Variants in DLC1 observed in about 807,000 individuals in gnomAD.
The protein encoded by DLC1 is DLC1 Rho GTPase activating protein, also known as rho GTPase-activating protein 7.
A neutral mutation model predicts 140.3 loss-of-function variants in DLC1; 54 were observed. The observed-to-expected ratio is 0.38, with a 90% CI of 0.31 to 0.48. The LOEUF (loss-of-function observed/expected upper bound fraction) is 0.48. Ranked by LOEUF, DLC1 falls within the 20% of genes least tolerant of loss-of-function variation. The probability of loss-of-function intolerance (pLI) is 0.96; values close to 1 mark genes in which losing one functional copy is unlikely to be tolerated. For synonymous variants in DLC1, 986 were observed against 728.1 expected (o/e 1.35, Z -5.70); for missense variants, 2,536 against 1,907.0 (o/e 1.33, Z -6.14).
chr8:13,325,366 T>C (rs1210099669), intron 4 of DLC1, among the ~76,000 whole-genome samples: 1 of 152,152 alleles, frequency 6.6e-6, no homozygotes, highest in Non-Finnish European at 1.5e-5. Flanking sequence ...AATTTTTTTC[T>C]TGCTTCCCAT....
chr8:13,456,335 G>A (rs1357507281), intron 2 of DLC1, among the ~76,000 whole-genome samples: 1 of 152,180 alleles, frequency 6.6e-6, no homozygotes, highest in Non-Finnish European at 1.5e-5. Context: ...TTTCATATGT[G>A]AAAGTTTTTT....
chr8:13,103,377 G>T (rs371584730), intron 7 of DLC1, among the ~76,000 whole-genome samples: 43 of 151,736 alleles, frequency 2.8e-4, no homozygotes, highest in African/African-American at 1.0e-3. Flanking sequence ...TGTTTTGTAA[G>T]TTTTTCACTT....
At position 13,584,139 on chromosome 8, in the gene DLC1, C is replaced by T. The variant is rs1279559723; in HGVS notation, c.-126+20398G>A. 15 of 153,138 alleles carry T rather than the reference C, an allele frequency of 9.8e-5. 1 individual carries two copies. In the Admixed American group the frequency reaches 9.8e-4, roughly 10 times the overall value. The allele number at this position is 153,138 out of a possible 1,614,324, so 9.5% of individuals were successfully genotyped here. A position where few individuals can be genotyped will look rare whatever the true frequency, so the allele number is the denominator to read the frequency against. Reference sequence around the variant, plus strand: ...TGGTACTGTTCTATTGCATCAGCTGCATGTTCTGTCCTGGGCCATTCTGGG... The same window carrying T: ...TGGTACTGTTCTATTGCATCAGCTGTATGTTCTGTCCTGGGCCATTCTGGG... On this transcript the variant is annotated intron_variant, in intron 1 of 1. Coordinates refer to the DLC1 transcript ENST00000631382.
intron 5 of DLC1, among the ~76,000 whole-genome samples, chr8:13,289,352 G>A (rs775299819): frequency 6.6e-6 from 1 of 152,108 alleles, no homozygotes; most frequent in Non-Finnish European, 1.5e-5. Flanking sequence ...CTTTGCACCT[G>A]GTTAAATTAA....
intron 2 of DLC1, among the ~76,000 whole-genome samples, chr8:13,457,075 A>G (rs1034781006): frequency 1.3e-5 from 2 of 152,124 alleles, no homozygotes; most frequent in African/African-American, 4.8e-5. Flanking sequence ...ATTCAATTCT[A>G]TTTCCCTGGG....
intron 5 of DLC1, among the ~76,000 whole-genome samples, chr8:13,204,549 C>G (rs1284996406): frequency 6.6e-6 from 1 of 152,076 alleles, no homozygotes. Context: ...AATTTCAACT[C>G]TTTTACTTCA....
At chr8:13,342,186 C>T (rs1834092049) in intron 4 of DLC1, 1 of 152,140 alleles carries the variant, frequency 6.6e-6, no homozygotes, top group Non-Finnish European at 1.5e-5. Flanking sequence ...ATATGAACTA[C>T]ATGACAGGTA....
In DLC1 at chr8:13,576,974, A is replaced by G. The variant is rs557940125; in HGVS notation, c.-126+27563T>C. Reference sequence around the variant, plus strand: ...GTGCTTACCGAGGAACATATTAGTAATATCTCTGACTGTGAAGTGCTTACT... The same window carrying G: ...GTGCTTACCGAGGAACATATTAGTAGTATCTCTGACTGTGAAGTGCTTACT... On this transcript the variant is annotated intron_variant, in intron 1 of 1. Coordinates refer to the DLC1 transcript ENST00000631382. 4.5e-4 allele frequency among the ~76,000 whole-genome samples: 68 copies of G among 152,154 alleles called. 1 individual carries two copies. In the South Asian group the frequency reaches 0.011, roughly 25 times the overall value.
upstream of DLC1, chr8:13,515,782 G>C (rs1489179223): frequency 2.6e-5 from 4 of 152,142 alleles, no homozygotes; most frequent in Non-Finnish European, 4.4e-5. Context: ...AGAATTTAGG[G>C]AATAAGCTAA....
chr8:13,421,741 A>G (rs1276774267), intron 2 of DLC1, among the ~76,000 whole-genome samples: 1 of 152,214 alleles, frequency 6.6e-6, no homozygotes, highest in East Asian at 1.9e-4. Flanking sequence ...CCCTGAGATC[A>G]TTAAGACCTG....
chr8:13,295,738 T>C (rs1308610800), intron 5 of DLC1, among the ~76,000 whole-genome samples: 1 of 152,104 alleles, frequency 6.6e-6, no homozygotes, highest in Non-Finnish European at 1.5e-5. Context: ...CTCAGTGAGG[T>C]CAAAGTAATA....
intron 2 of DLC1, among the ~76,000 whole-genome samples, chr8:13,453,029 C>T (rs1479641391): frequency 6.6e-6 from 1 of 151,820 alleles, no homozygotes; most frequent in Non-Finnish European, 1.5e-5. Flanking sequence ...TCACTTTTTC[C>T]TCACAAAACC....
intron 1 of DLC1, among the ~76,000 whole-genome samples, chr8:13,560,054 A>T (rs1181108735): frequency 6.6e-6 from 1 of 152,232 alleles, no homozygotes; most frequent in Non-Finnish European, 1.5e-5. Flanking sequence ...AAGACAAAGT[A>T]GCAAAAGAGA....
chr8:13,460,909 G>T (rs754336276), intron 2 of DLC1, among the ~76,000 whole-genome samples: 1 of 152,214 alleles, frequency 6.6e-6, no homozygotes, highest in African/African-American at 2.4e-5. Context: ...ACAGGGTCCT[G>T]TGCGTGTAAA....
chr8:13,552,072 T>C lies in DLC1; in HGVS notation c.-125-51876A>G, dbSNP rs1008213136. On this transcript the variant is annotated intron_variant, in intron 1 of 1. Transcript: ENST00000631382. Reference sequence around the variant, plus strand: ...ATATATACACATATATATATATACCTCTTTCTCTCTATATATATGTATGTA... The same window carrying C: ...ATATATACACATATATATATATACCCCTTTCTCTCTATATATATGTATGTA... Among the ~76,000 whole-genome samples the C allele has an allele frequency of 1.3e-4, 18 of 138,694 alleles. No individual in the cohort carries two copies. In the East Asian group the frequency reaches 2.3e-3, roughly 18 times the overall value. The allele number at this position is 138,694 out of a possible 152,430, so 91.0% of individuals were successfully genotyped here.
intron 5 of DLC1, among the ~76,000 whole-genome samples, chr8:13,134,402 T>C (rs940849705): frequency 1.3e-5 from 2 of 152,158 alleles, no homozygotes; most frequent in Non-Finnish European, 2.9e-5. Context: ...CAAATATCCC[T>C]TCCCTCCTGG....
chr8:13,237,884 A>T (rs949783498), intron 5 of DLC1, among the ~76,000 whole-genome samples: 2 of 152,090 alleles, frequency 1.3e-5, no homozygotes, highest in South Asian at 4.2e-4. Context: ...TACCTAATAC[A>T]TATATTGAAA....
chr8:13,412,681 C>T (rs973917540), intron 2 of DLC1, among the ~76,000 whole-genome samples: 1 of 152,022 alleles, frequency 6.6e-6, no homozygotes, highest in Non-Finnish European at 1.5e-5. Context: ...CACCTGTAAT[C>T]CCAGCACTTT....
intron 2 of DLC1, among the ~76,000 whole-genome samples, chr8:13,497,531 C>G (rs551250195): frequency 6.6e-6 from 1 of 152,106 alleles, no homozygotes; most frequent in African/African-American, 2.4e-5. Flanking sequence ...CAAAAGGCAA[C>G]CATGCTATAG....
Sources: gnomAD v4.1 joint callset for allele counts (sites outside exome capture counted in the v4.1 genomes callset) on GRCh38, gnomAD v4.1.1 for gene constraint, MANE v1.5 for transcripts, NCBI Gene and HGNC (gene_info 2026-07-23, HGNC 2026-07-21) for gene names.